Variants in MYO3A observed in about 807,000 individuals in gnomAD.
MYO3A encodes myosin-IIIa.
Under a neutral mutation model 192.7 loss-of-function variants are expected in MYO3A, and 180 were observed. The ratio of observed to expected loss-of-function variants is 0.93; its 90% CI spans 0.83 to 1.06. The LOEUF (loss-of-function observed/expected upper bound fraction) is 1.06, where lower values mean the gene tolerates loss of function less well. Among genes scored for constraint, MYO3A ranks in the 50% least tolerant of loss-of-function variants. The pLI, the probability that MYO3A is intolerant of heterozygous loss-of-function variation, is 0.00. For missense variants in MYO3A, 1,896 were observed against 1,905.0 expected (o/e 1.00, Z 0.09); for synonymous variants, 628 against 645.3 (o/e 0.97, Z 0.41).
At chr10:26,040,564 G>A (rs1250348472) in intron 10 of MYO3A, among the ~76,000 whole-genome samples, 1 of 152,084 alleles carries the variant, frequency 6.6e-6, no homozygotes, top group Non-Finnish European at 1.5e-5. Context: ...ATATACCAGA[G>A]AGATGCAAAA....
intron 17 of MYO3A, among the ~76,000 whole-genome samples, chr10:26,119,486 A>T (rs1225924740): frequency 6.6e-6 from 1 of 152,132 alleles, no homozygotes; most frequent in Non-Finnish European, 1.5e-5. Context: ...TTGTTTATGT[A>T]TTTATTACAT....
chr10:26,019,248 TTTATTTATTTATTTATTTA>T (rs879660814), intron 7 of MYO3A, among the ~76,000 whole-genome samples: 9,441 of 147,596 alleles, frequency 0.064, 403 homozygotes, highest in Non-Finnish European at 0.094. Context: ...TATTTATTTA[TTTATTTATTTATTTATTTA>T]TTTTTTCCTG....
At chr10:26,157,837 G>A (rs1841236208) in intron 26 of MYO3A, among the ~76,000 whole-genome samples, 1 of 152,130 alleles carries the variant, frequency 6.6e-6, no homozygotes, top group African/African-American at 2.4e-5. Flanking sequence ...TTCTCAGCTG[G>A]GAGAGATTTT....
intron 31 of MYO3A, among the ~76,000 whole-genome samples, chr10:26,179,076 C>T (rs1327867963): frequency 5.4e-5 from 8 of 148,474 alleles, no homozygotes; most frequent in South Asian, 2.2e-4. Flanking sequence ...GGGATTACAC[C>T]GTGCCCAGCC....
intron 17 of MYO3A, among the ~76,000 whole-genome samples, chr10:26,100,698 G>C (rs1435340736): frequency 2.0e-5 from 3 of 152,174 alleles, no homozygotes; most frequent in East Asian, 3.8e-4. Flanking sequence ...CCATGTAGTT[G>C]AGTGGTTTTG....
chr10:26,136,299 C>A (rs569896969), intron 20 of MYO3A, among the ~76,000 whole-genome samples: 1 of 152,248 alleles, frequency 6.6e-6, no homozygotes, highest in East Asian at 1.9e-4. Context: ...GTCATATATA[C>A]CAGCTATTAA....
chr10:26,195,018 C>T (rs1843339952), intron 32 of MYO3A, among the ~76,000 whole-genome samples: 1 of 152,098 alleles, frequency 6.6e-6, no homozygotes, highest in Non-Finnish European at 1.5e-5. Context: ...GTTTTTAGTA[C>T]AATAATCACA....
In MYO3A at chr10:26,143,420, G is replaced by A. The variant is rs1377656378; in HGVS notation, c.2263-28G>A. 3.2e-6 allele frequency: 5 copies of A among 1,586,622 alleles called. No homozygotes were observed. The East Asian group carries it at 6.7e-5, about 21-fold the overall frequency. On this transcript the variant is annotated intron_variant, in intron 20 of 34. Coordinates refer to ENST00000642920, the MANE Select transcript of MYO3A (RefSeq NM_017433.5). ...ACTATGAAGCTATATATTATTCACA[G>A]TTTTAAGTGGTTTTGTCTTTATTAT...
chr10:26,035,533 T>G (rs1842984285), intron 10 of MYO3A, among the ~76,000 whole-genome samples: 1 of 152,236 alleles, frequency 6.6e-6, no homozygotes, highest in South Asian at 2.1e-4. Context: ...GTTCAGTTCC[T>G]GTCTTTATCA....
intron 17 of MYO3A, among the ~76,000 whole-genome samples, chr10:26,098,968 T>A (rs1428181345): frequency 6.6e-6 from 1 of 152,218 alleles, no homozygotes; most frequent in Admixed American, 6.5e-5. Flanking sequence ...GGTAGCTTGA[T>A]GGAGATGGCA....
intron 4 of MYO3A, among the ~76,000 whole-genome samples, chr10:25,983,156 T>C (rs911545994): frequency 1.3e-5 from 2 of 151,842 alleles, no homozygotes; most frequent in Non-Finnish European, 2.9e-5. Context: ...AAATGCAAAA[T>C]TCACTTGAAA....
intron 2 of MYO3A, among the ~76,000 whole-genome samples, chr10:25,938,015 G>C (rs532283623): frequency 3.7e-4 from 56 of 152,300 alleles, no homozygotes; most frequent in African/African-American, 1.1e-3. Flanking sequence ...TAAGAAAGGA[G>C]ACACCCGAAA....
intron 10 of MYO3A, among the ~76,000 whole-genome samples, chr10:26,047,058 C>T (rs1843670687): frequency 6.6e-6 from 1 of 152,066 alleles, no homozygotes; most frequent in African/African-American, 2.4e-5. Context: ...ATAGCATTAC[C>T]TGTTTTTAGC....
Position 26,014,992 on chromosome 10 carries a change from C to T in MYO3A, c.509-1828C>T, listed in dbSNP as rs117052349. Among the ~76,000 whole-genome samples the T allele has an allele frequency of 5.5e-4, 84 of 152,202 alleles. No individual in the cohort carries two copies. In the East Asian group the frequency reaches 0.015, roughly 27 times the overall value. On this transcript the variant is annotated intron_variant, in intron 6 of 34. Transcript: ENST00000642920. The stretch of plus-strand genomic sequence containing the variant: ...GAATAAAGCCTGCATGTTTCTATCC[C>T]TAGAAATAGCACTTATGCGATAGGG...
At chr10:26,180,394 C>T (rs1048338716) in intron 31 of MYO3A, among the ~76,000 whole-genome samples, 5 of 152,110 alleles carry the variant, frequency 3.3e-5, no homozygotes, top group Non-Finnish European at 7.4e-5. Flanking sequence ...TTAATTCAAT[C>T]ATCTACCTCA....
intron 15 of MYO3A, among the ~76,000 whole-genome samples, chr10:26,089,743 T>C (rs1836579297): frequency 6.6e-6 from 1 of 152,210 alleles, no homozygotes; most frequent in Admixed American, 6.5e-5. Context: ...ATTGTATGTA[T>C]GATTTGAAAC....
chr10:26,159,174 T>A (rs1031568627), intron 26 of MYO3A, among the ~76,000 whole-genome samples: 5 of 150,982 alleles, frequency 3.3e-5, no homozygotes, highest in Admixed American at 3.3e-4. Flanking sequence ...GTACTTTTAG[T>A]AGAGACGGGG....
intron 2 of MYO3A, among the ~76,000 whole-genome samples, chr10:25,949,531 T>A (rs1178401314): frequency 6.6e-6 from 1 of 152,150 alleles, no homozygotes; most frequent in Non-Finnish European, 1.5e-5. Context: ...ATGAAATTGT[T>A]AAAGAGGATG....
At chr10:26,127,465 A>T (rs922823880) in intron 19 of MYO3A, among the ~76,000 whole-genome samples, 22 of 152,290 alleles carry the variant, frequency 1.4e-4, no homozygotes, top group Middle Eastern at 3.4e-3. Context: ...TTTCAGAAAT[A>T]CTCAAATAGC....
Sources: allele counts gnomAD v4.1 joint callset (sites outside exome capture counted in the v4.1 genomes callset), GRCh38; gene constraint gnomAD v4.1.1; transcripts MANE v1.5; gene names NCBI Gene and HGNC (gene_info 2026-07-23, HGNC 2026-07-21).